Variants in GPCPD1 observed in about 807,000 individuals in gnomAD.
The protein encoded by GPCPD1 is glycerophosphocholine phosphodiesterase GPCPD1.
In GPCPD1, 29 loss-of-function variants were observed where a neutral mutation model predicts 89.2. The ratio of observed to expected loss-of-function variants is 0.33; its 90% CI spans 0.24 to 0.44. The LOEUF is 0.44. Among genes scored for constraint, GPCPD1 ranks in the 20% least tolerant of loss-of-function variants. The pLI is 1.00. For missense variants in GPCPD1, 594 were observed against 808.9 expected (o/e 0.73, Z 3.22); for synonymous variants, 258 against 266.3 (o/e 0.97, Z 0.30).
chr20:5,596,400 TA>T (rs202098554), intron 3 of GPCPD1, among the ~76,000 whole-genome samples: 2,285 of 151,956 alleles, frequency 0.015, 23 homozygotes, highest in Non-Finnish European at 0.021. Flanking sequence ...TAAAAAATTT[TA>T]AAAAAAGAAT....
At chr20:5,601,361 CTTTTTTTT>C (rs1209326779) in intron 2 of GPCPD1, among the ~76,000 whole-genome samples, 6 of 73,058 alleles carry the variant, frequency 8.2e-5, no homozygotes, top group Non-Finnish European at 1.2e-4. Flanking sequence ...CCCTGTTAAT[CTTTTTTTT>C]TTTTTTTTTT....
intron 6 of GPCPD1, among the ~76,000 whole-genome samples, chr20:5,580,500 C>T (rs905982308): frequency 3.3e-5 from 5 of 151,722 alleles, no homozygotes; most frequent in South Asian, 2.1e-4. Context: ...CCGAGGCAGG[C>T]GGATTACGAA....
Position 5,575,912 on chromosome 20 carries a change from A to G in GPCPD1, c.772T>C (p.Leu258=). 6.2e-7 allele frequency: 1 copy of G among 1,603,850 alleles called. No homozygotes were observed. The change falls in exon 9 of 20, where the codon TTA becomes CTA. Residue 258 remains leucine (L), a synonymous_variant. Coordinates refer to ENST00000379019, the MANE Select transcript of GPCPD1 (RefSeq NM_019593.5). ...CCACTCTCAGCAATGGTGGATGATA[A>G]GAGACAAGCTGTACCCACATGTCCA... ...LPGHVGTACL[L]SSTIAESGKS...
chr20:5,576,040 TACACACACACACAC>T (rs36119025), intron 8 of GPCPD1, 62 bp from the exon 9 acceptor site: 2 of 602,786 alleles, frequency 3.3e-6, no homozygotes, highest in African/African-American at 1.9e-5. Flanking sequence ...TACATACATA[TACACACACACACAC>T]ACACACAGAC....
chr20:5,599,297 C>T (rs551536918), intron 2 of GPCPD1, among the ~76,000 whole-genome samples: 6 of 152,162 alleles, frequency 3.9e-5, no homozygotes, highest in Admixed American at 3.9e-4. Flanking sequence ...CACCTGTAAT[C>T]CCAGCACTCT....
chr20:5,549,607 C>T, intron 19 of GPCPD1: 1 of 558,054 alleles, frequency 1.8e-6, no homozygotes, highest in Non-Finnish European at 3.2e-6. Context: ...AATTTAATTT[C>T]CATCCAAATG....
At chr20:5,567,990 G>A (rs140554524) in intron 12 of GPCPD1, 45 of 152,744 alleles carry the variant, frequency 2.9e-4, no homozygotes, top group Non-Finnish European at 5.8e-4. Flanking sequence ...TAATCTTTTC[G>A]AAGACTTTTA....
intron 16 of GPCPD1, among the ~76,000 whole-genome samples, chr20:5,561,193 A>G (rs752228172): frequency 8.5e-5 from 13 of 152,232 alleles, no homozygotes; most frequent in African/African-American, 2.9e-4. Context: ...TATCCACTTT[A>G]TAAGTATCTC....
At chr20:5,575,022 T>G (rs1343096089) in intron 10 of GPCPD1, among the ~76,000 whole-genome samples, 4 of 152,204 alleles carry the variant, frequency 2.6e-5, no homozygotes, top group Non-Finnish European at 5.9e-5. Context: ...TTAACTAATA[T>G]TCCTTGAGTT....
At chr20:5,581,813 ACTTTTTTTTTTTTT>A (rs766135539) in intron 6 of GPCPD1, among the ~76,000 whole-genome samples, 2 of 82,810 alleles carry the variant, frequency 2.4e-5, no homozygotes. Context: ...TGGGACTTTA[ACTTTTTTTTTTTTT>A]TTTTTTTTTT....
In GPCPD1 at chr20:5,570,064, TA is replaced by T. The variant is rs1157637333; in HGVS notation, c.1149+82del. ...GAATTAACCAATTCTATTTAATAAGTAATTAAAAATATAAAAAAACTTCCTA... is the reference window on the plus strand; with the variant it reads ...GAATTAACCAATTCTATTTAATAAGTATTAAAAATATAAAAAAACTTCCTA... On this transcript the variant is annotated intron_variant, in intron 12 of 19. Coordinates refer to ENST00000379019, the MANE Select transcript of GPCPD1 (RefSeq NM_019593.5). 17 of 628,284 alleles carry T rather than the reference TA, an allele frequency of 2.7e-5. No individual in the cohort carries two copies. In the South Asian group the frequency reaches 3.6e-4, roughly 13 times the overall value. The allele number at this position is 628,284 out of a possible 1,614,324, so 38.9% of individuals were successfully genotyped here. A position where few individuals can be genotyped will look rare whatever the true frequency, so the allele number is the denominator to read the frequency against.
chr20:5,588,484 GAC>G (rs915232528), intron 4 of GPCPD1, among the ~76,000 whole-genome samples: 16 of 151,798 alleles, frequency 1.1e-4, no homozygotes, highest in African/African-American at 3.9e-4. Context: ...CAGCGTGGGC[GAC>G]AGAGTGAGAC....
At chr20:5,582,182 G>A (rs571392161) in intron 6 of GPCPD1, among the ~76,000 whole-genome samples, 19 of 62,692 alleles carry the variant, frequency 3.0e-4, no homozygotes, top group South Asian at 1.3e-3. Context: ...CGAGACTCCC[G>A]TCTCAAAAAA....
In GPCPD1 at chr20:5,566,712, TGTTTCCATATTGG is replaced by T; in HGVS notation, c.1267+8_1267+20del. On this transcript the variant is annotated splice_region_variant and intron_variant, in intron 14 of 19. Coordinates refer to ENST00000379019, the MANE Select transcript of GPCPD1 (RefSeq NM_019593.5). Reference sequence around the variant, plus strand: ...AATGCTAACTACAAAAGGAAAACAGTGTTTCCATATTGGTACATACCTTTCCGATCCTTAGATT... The same window carrying T: ...AATGCTAACTACAAAAGGAAAACAGTTACATACCTTTCCGATCCTTAGATT... 7.0e-7 allele frequency: 1 copy of T among 1,423,420 alleles called. No homozygotes were observed. The highest frequency in any genetic ancestry group is 2.3e-5 in the East Asian group (1 of 43,932). 88.2% of individuals were successfully genotyped at this position (1,423,420 alleles called of 1,614,324 possible). A position where few individuals can be genotyped will look rare whatever the true frequency, so the allele number is the denominator to read the frequency against.
intron 11 of GPCPD1, 141 bp downstream of exon 11, chr20:5,573,774 T>C (rs111849071): frequency 1.1e-5 from 8 of 732,882 alleles, no homozygotes; most frequent in Non-Finnish European, 2.0e-5. Context: ...TATGGTTCTA[T>C]TGTCTTCATT....
intron 13 of GPCPD1, among the ~76,000 whole-genome samples, chr20:5,567,110 C>T (rs988183417): frequency 6.6e-6 from 1 of 152,116 alleles, no homozygotes; most frequent in African/African-American, 2.4e-5. Flanking sequence ...TGGAAATTAA[C>T]ATATATTTAC....
Position 5,558,741 on chromosome 20 carries a change from G to A in GPCPD1, c.1611C>T (p.Asp537=), listed in dbSNP as rs919126681. The A allele has an allele frequency of 2.5e-6, 4 of 1,598,750 alleles. No individual in the cohort carries two copies. The highest frequency in any genetic ancestry group is 2.7e-5 in the African/African-American group (2 of 74,396). ...GKSEIYPELM[D]LRSRTTPIAM... ...CAATGGGGGTTGTCCGAGATCTGAG[G>A]TCCATGAGTTCAGGATAAATCTCAG... Residue 537 remains aspartate, a synonymous_variant, in exon 18 of 20, where the codon GAC becomes GAT. Coordinates refer to ENST00000379019, the MANE Select transcript of GPCPD1 (RefSeq NM_019593.5).
In GPCPD1 at chr20:5,570,256, A is replaced by C. The variant is rs1003865738; in HGVS notation, c.1057-17T>G. On this transcript the variant is annotated splice_polypyrimidine_tract_variant and intron_variant, in intron 11 of 19. Transcript: ENST00000379019. ...GGCTGCACCCTGACAGAAGGAAGCAAGTATTTGAAAAACATTGCCTGGTAC... is the reference window on the plus strand; with the variant it reads ...GGCTGCACCCTGACAGAAGGAAGCACGTATTTGAAAAACATTGCCTGGTAC... The C allele has an allele frequency of 1.5e-6, 2 of 1,363,396 alleles. No individual in the cohort carries two copies. Among genetic ancestry groups the C allele is most frequent in the African/African-American group, 2.9e-5 (2 of 69,844 alleles). 84.5% of individuals were successfully genotyped at this position (1,363,396 alleles called of 1,614,324 possible).
intron 1 of GPCPD1, among the ~76,000 whole-genome samples, chr20:5,609,017 C>T (rs757323466): frequency 6.6e-5 from 10 of 152,120 alleles, no homozygotes; most frequent in East Asian, 1.9e-4. Context: ...TAAACTTTCC[C>T]GACACGTGAC....
Sources: gnomAD v4.1 joint callset for allele counts (sites outside exome capture counted in the v4.1 genomes callset) on GRCh38, gnomAD v4.1.1 for gene constraint, MANE v1.5 for transcripts, NCBI Gene and HGNC (gene_info 2026-07-23, HGNC 2026-07-21) for gene names.